Variants in PTPRD observed in about 807,000 individuals in gnomAD.
PTPRD encodes the protein protein tyrosine phosphatase receptor type D.
PTPRD carries 34 observed loss-of-function variants against 214.5 expected under a neutral mutation model. The observed-to-expected ratio is 0.16, with a 90% CI of 0.12 to 0.21. The LOEUF (loss-of-function observed/expected upper bound fraction) is 0.21. Ranked by LOEUF, PTPRD falls within the 10% of genes least tolerant of loss-of-function variation. The pLI is 1.00. For missense variants in PTPRD, 2,545 were observed against 2,398.7 expected (o/e 1.06, Z -1.27); for synonymous variants, 1,128 against 845.7 (o/e 1.33, Z -5.79).
intron 11 of PTPRD, among the ~76,000 whole-genome samples, chr9:8,954,278 G>C (rs1368816161): frequency 6.6e-6 from 1 of 151,894 alleles, no homozygotes. Context: ...TCACTTATAG[G>C]TGGGAGTTAA....
intron 10 of PTPRD, among the ~76,000 whole-genome samples, chr9:9,060,047 C>G (rs1034220185): frequency 1.3e-5 from 2 of 152,092 alleles, no homozygotes; most frequent in Non-Finnish European, 2.9e-5. Context: ...ATTGTTGGCA[C>G]TTGATAAGTT....
chr9:8,450,271 C>T (rs2095883348), intron 33 of PTPRD, among the ~76,000 whole-genome samples: 1 of 152,048 alleles, frequency 6.6e-6, no homozygotes, highest in Non-Finnish European at 1.5e-5. Flanking sequence ...TAAATCTGTC[C>T]CCCTTAGCCC....
At position 10,471,084 on chromosome 9, in the gene PTPRD, G is replaced by C. The variant is rs927647262; in HGVS notation, c.-599-130067C>G. Among the ~76,000 whole-genome samples, 8 of 152,196 alleles carry C rather than the reference G, an allele frequency of 5.3e-5. No individual in the cohort carries two copies. In the East Asian group the frequency reaches 1.4e-3, roughly 26 times the overall value. On this transcript the variant is annotated intron_variant, in intron 2 of 45. Transcript: ENST00000381196. ...ACCACACGTTCTCACTTATAAGCGG[G>C]AGTTGAACAATGAGAACACATGGAC... is the stretch of plus-strand genomic sequence containing the variant.
intron 7 of PTPRD, among the ~76,000 whole-genome samples, chr9:9,734,029 A>C (rs914016008): frequency 2.0e-5 from 3 of 152,196 alleles, no homozygotes; most frequent in African/African-American, 7.2e-5. Flanking sequence ...CAAGGATTTT[A>C]AGAGTTTCCA....
At chr9:8,985,500 A>G (rs1380582665) in intron 11 of PTPRD, among the ~76,000 whole-genome samples, 1 of 152,074 alleles carries the variant, frequency 6.6e-6, no homozygotes, top group African/African-American at 2.4e-5. Context: ...TCATTCTGAA[A>G]ACCTGGCTTA....
chr9:10,054,241 A>G (rs1389870874), intron 3 of PTPRD, among the ~76,000 whole-genome samples: 1 of 152,184 alleles, frequency 6.6e-6, no homozygotes, highest in Non-Finnish European at 1.5e-5. Context: ...TGTGCTTAAT[A>G]AACTATAGAT....
chr9:8,448,836 A>G (rs2095835335), intron 34 of PTPRD, among the ~76,000 whole-genome samples: 1 of 152,212 alleles, frequency 6.6e-6, no homozygotes, highest in African/African-American at 2.4e-5. Context: ...TCCATATGGC[A>G]CAAAGAAACT....
chr9:9,702,954 A>C (rs2097531592), intron 7 of PTPRD, among the ~76,000 whole-genome samples: 1 of 152,144 alleles, frequency 6.6e-6, no homozygotes, highest in African/African-American at 2.4e-5. Context: ...CCAGAAAGCC[A>C]ATCTAATACT....
rs533619970 is a variant in PTPRD at position 9,088,581 on chromosome 9, G to GAAAAAAAAAAAAAAAAA, written c.-142-69863_-142-69847dup. On this transcript the variant is annotated intron_variant, in intron 10 of 45. Transcript: ENST00000381196. ...GGCGACAGAGTGAGACTTAGTCTCA[G>GAAAAAAAAAAAAAAAAA]AAAAAAAAAAAAAAAAAAAAAAAAA... Among the ~76,000 whole-genome samples, 25 of 33,028 alleles carry GAAAAAAAAAAAAAAAAA rather than the reference G, an allele frequency of 7.6e-4. 3 individuals carry two copies. The highest frequency in any genetic ancestry group is 1.9e-3 in the South Asian group (1 of 532). The allele number at this position is 33,028 out of a possible 152,430, so 21.7% of individuals were successfully genotyped here.
At chr9:8,425,591 G>C (rs556413204) in intron 35 of PTPRD, among the ~76,000 whole-genome samples, 23 of 152,248 alleles carry the variant, frequency 1.5e-4, no homozygotes, top group Admixed American at 1.4e-3. Flanking sequence ...CCAAGTCATG[G>C]GTACTCTGGG....
chr9:9,957,529 A>C (rs924615969), intron 4 of PTPRD, among the ~76,000 whole-genome samples: 3 of 152,168 alleles, frequency 2.0e-5, no homozygotes, highest in Non-Finnish European at 4.4e-5. Flanking sequence ...AATTCAAAGG[A>C]AAGCAGAAAG....
intron 9 of PTPRD, among the ~76,000 whole-genome samples, chr9:9,337,559 G>C (rs996422526): frequency 6.6e-6 from 1 of 152,106 alleles, no homozygotes; most frequent in Non-Finnish European, 1.5e-5. Flanking sequence ...TTAAATTCTA[G>C]TCTCTGAGAA....
At chr9:9,633,264 C>T (rs76647656) in intron 7 of PTPRD, among the ~76,000 whole-genome samples, 2,132 of 151,690 alleles carry the variant, frequency 0.014, 44 homozygotes, top group African/African-American at 0.049. Flanking sequence ...CACTGCATTC[C>T]ACACTCCAGC....
chr9:10,125,703 C>T (rs961536691), intron 3 of PTPRD, among the ~76,000 whole-genome samples: 12 of 151,232 alleles, frequency 7.9e-5, no homozygotes, highest in Non-Finnish European at 1.5e-4. Context: ...AGGCTGGTCT[C>T]GAACTCCTTT....
At chr9:9,319,676 G>C (rs750942498) in intron 9 of PTPRD, among the ~76,000 whole-genome samples, 7 of 152,128 alleles carry the variant, frequency 4.6e-5, no homozygotes, top group Non-Finnish European at 1.0e-4. Flanking sequence ...ACGTAGTTCA[G>C]AAGTCTGAGT....
chr9:8,904,348 G>T (rs1449912092), intron 11 of PTPRD, among the ~76,000 whole-genome samples: 1 of 152,054 alleles, frequency 6.6e-6, no homozygotes, highest in Non-Finnish European at 1.5e-5. Context: ...TTGTATAGCT[G>T]CTTATTTCTC....
intron 39 of PTPRD, among the ~76,000 whole-genome samples, chr9:8,374,768 A>G (rs2082721401): frequency 6.6e-6 from 1 of 152,008 alleles, no homozygotes; most frequent in African/African-American, 2.4e-5. Context: ...TTTATCTAGG[A>G]AAACATTTGC....
At chr9:9,175,216 G>A (rs182249383) in intron 10 of PTPRD, among the ~76,000 whole-genome samples, 66 of 152,164 alleles carry the variant, frequency 4.3e-4, no homozygotes, top group Middle Eastern at 3.4e-3. Flanking sequence ...TTTCTAAAAC[G>A]TTGTCTTTCA....
chr9:10,143,043 A>T (rs575437004), intron 3 of PTPRD, among the ~76,000 whole-genome samples: 1 of 152,214 alleles, frequency 6.6e-6, no homozygotes, highest in South Asian at 2.1e-4. Context: ...CAAACACCGC[A>T]TATTGTCACT....
Sources: gnomAD v4.1 joint callset for allele counts (sites outside exome capture counted in the v4.1 genomes callset) on GRCh38, gnomAD v4.1.1 for gene constraint, MANE v1.5 for transcripts, NCBI Gene and HGNC (gene_info 2026-07-23, HGNC 2026-07-21) for gene names.